Variants in APBB2 observed in about 807,000 individuals in gnomAD.
The protein encoded by APBB2 is Fe65-like 1.
In APBB2, 38 loss-of-function variants were observed where a neutral mutation model predicts 82.5. That is an observed-to-expected ratio of 0.46 (90% confidence interval 0.36 to 0.60). APBB2 has a LOEUF of 0.60. APBB2 is among the 20% of genes least tolerant of loss of function. APBB2 has a pLI of 0.00. For missense variants in APBB2, 772 were observed against 972.3 expected (o/e 0.79, Z 2.74); for synonymous variants, 341 against 368.2 (o/e 0.93, Z 0.85).
intron 2 of APBB2, among the ~76,000 whole-genome samples, chr4:41,134,836 C>T (rs550742579): frequency 2.0e-5 from 3 of 152,288 alleles, no homozygotes; most frequent in South Asian, 2.1e-4. Context: ...TACTTCATTT[C>T]GTTCCCTCCA....
chr4:40,845,588 C>CAAAAAAAAAAAAAAAAAAAAAAAAAAAAA (rs71198606), intron 12 of APBB2, among the ~76,000 whole-genome samples: 1 of 56,482 alleles, frequency 1.8e-5, no homozygotes. Flanking sequence ...GGAAATTCCT[C>CAAAAAAAAAAAAAAAAAAAAAAAAAAAAA]AAAAAAAAAA....
In APBB2 at chr4:40,970,471, T is replaced by C. The variant is rs1194058699; in HGVS notation, c.836-25398A>G. 2.6e-5 allele frequency among the ~76,000 whole-genome samples: 4 copies of C among 151,594 alleles called. No homozygotes were observed. The East Asian group carries it at 7.7e-4, about 29-fold the overall frequency. On this transcript the variant is annotated intron_variant, in intron 6 of 17. Coordinates refer to ENST00000508593, the MANE Select transcript of APBB2 (RefSeq NM_004307.2). ...ATTGCAACCTCTCCCCACTCCTCCT[T>C]TTTTTTTGAACCAAAGGCATTTAAA...
chr4:41,023,443 A>C (rs555058325), intron 5 of APBB2, among the ~76,000 whole-genome samples: 1 of 152,310 alleles, frequency 6.6e-6, no homozygotes, highest in East Asian at 1.9e-4. Flanking sequence ...CCACAGCCTC[A>C]GCCCAAAAGC....
At position 40,823,710 on chromosome 4, in the gene APBB2, G is replaced by C. The variant is rs772292359; in HGVS notation, c.1866C>G (p.Asn622Lys). The C allele has an allele frequency of 6.2e-7, 1 of 1,613,778 alleles. No individual in the cohort carries two copies. The highest frequency in any genetic ancestry group is 1.3e-5 in the African/African-American group (1 of 74,900). ...SAIENLMTSS[N>K]KEDWLSVNMN... ...TGTTCACTGACAGCCAGTCCTCCTT[G>C]TTGGATGAGGTCATAAGATTTTCTA... Residue 622 changes from asparagine (N) to lysine (K), a missense_variant, in exon 16 of 18, where the codon AAC becomes AAG. Physicochemically the swap from Asn to Lys is moderately conservative, Grantham distance 94. Transcript: ENST00000508593.
chr4:40,849,010 G>T, intron 12 of APBB2: 2 of 507,054 alleles, frequency 3.9e-6, no homozygotes, highest in Non-Finnish European at 5.1e-6. Context: ...CACATAGTAG[G>T]CAATCAATCA....
At chr4:40,959,456 A>T (rs187908316) in intron 6 of APBB2, among the ~76,000 whole-genome samples, 4 of 152,342 alleles carry the variant, frequency 2.6e-5, no homozygotes, top group Admixed American at 2.6e-4. Context: ...CTAGTATACA[A>T]CAGCAACGAT....
intron 2 of APBB2, among the ~76,000 whole-genome samples, chr4:41,101,081 G>A (rs1745167360): frequency 6.6e-6 from 1 of 152,166 alleles, no homozygotes; most frequent in Admixed American, 6.5e-5. Flanking sequence ...ATTATATTGT[G>A]ACTTGGGAAG....
intron 2 of APBB2, among the ~76,000 whole-genome samples, chr4:41,108,145 C>T (rs979861993): frequency 1.3e-5 from 2 of 151,966 alleles, no homozygotes; most frequent in Admixed American, 6.6e-5. Context: ...TAAAGAGACA[C>T]AGACACAAAA....
intron 12 of APBB2, among the ~76,000 whole-genome samples, chr4:40,861,309 C>G (rs950555199): frequency 2.8e-4 from 42 of 151,422 alleles, no homozygotes; most frequent in Non-Finnish European, 4.4e-5. Context: ...GAGATCACAC[C>G]GCTGCACTCC....
intron 10 of APBB2, 136 bp downstream of exon 10, chr4:40,934,320 A>G (rs955078239): frequency 3.6e-6 from 3 of 828,318 alleles, no homozygotes; most frequent in Admixed American, 2.5e-5. Context: ...CAGGGAGATT[A>G]GGAAAGAGAA....
intron 3 of APBB2, among the ~76,000 whole-genome samples, chr4:41,068,827 C>T (rs1472835180): frequency 8.3e-6 from 1 of 120,778 alleles, no homozygotes; most frequent in Non-Finnish European, 1.6e-5. Context: ...GATGGAGTCT[C>T]GCTCTGTTGC....
intron 2 of APBB2, among the ~76,000 whole-genome samples, chr4:41,129,090 C>T (rs1560826937): frequency 6.6e-6 from 1 of 152,118 alleles, no homozygotes; most frequent in South Asian, 2.1e-4. Context: ...TCTCCATTCC[C>T]ACCACAATCC....
intron 4 of APBB2, among the ~76,000 whole-genome samples, chr4:41,054,040 CA>C (rs1220600290): frequency 2.0e-5 from 3 of 152,224 alleles, no homozygotes; most frequent in Non-Finnish European, 2.9e-5. Flanking sequence ...GTGGATTCAA[CA>C]AAAAGAAAGG....
In APBB2 at chr4:41,013,757, C is replaced by G. The variant is rs768263328; in HGVS notation, c.661G>C (p.Gly221Arg). The change falls in exon 6 of 18, where the codon GGC becomes CGC. Residue 221 changes from glycine to arginine, a missense_variant. Physicochemically the swap from Gly to Arg is moderately radical, Grantham distance 125 (BLOSUM62 -2). Coordinates refer to ENST00000508593, the MANE Select transcript of APBB2 (RefSeq NM_004307.2). ...PNRPQSSPED[G>R]QVATVSSSPE... The stretch of plus-strand genomic sequence containing the variant: ...CTGGATGACACTGTGGCTACTTGGC[C>G]GTCTTCAGGGCTGGACTGGGGTCTG... 3 of 1,614,164 alleles carry G rather than the reference C, an allele frequency of 1.9e-6. No homozygotes were observed. Among genetic ancestry groups the G allele is most frequent in the Non-Finnish European group, 2.5e-6 (3 of 1,180,018 alleles).
At chr4:40,916,440 T>A (rs987760007) in intron 10 of APBB2, among the ~76,000 whole-genome samples, 1 of 152,188 alleles carries the variant, frequency 6.6e-6, no homozygotes, top group African/African-American at 2.4e-5. Flanking sequence ...CCTAAGATAG[T>A]CACTTCCCAC....
At chr4:41,027,129 G>A (rs77847980) in intron 5 of APBB2, among the ~76,000 whole-genome samples, 6,927 of 151,932 alleles carry the variant, frequency 0.046, 336 homozygotes, top group African/African-American at 0.12. Context: ...TTCAGACTGA[G>A]CTCCTATCTT....
chr4:40,899,497 G>C (rs1774655387), intron 10 of APBB2, among the ~76,000 whole-genome samples: 1 of 152,170 alleles, frequency 6.6e-6, no homozygotes. Context: ...ACAGAGCAAA[G>C]CCTGGGTATC....
At chr4:40,857,281 G>A (rs924918216) in intron 12 of APBB2, 6 of 618,310 alleles carry the variant, frequency 9.7e-6, no homozygotes, top group Non-Finnish European at 1.2e-5. Flanking sequence ...GCTCCCGCTA[G>A]GTGCTCCCGC....
intron 10 of APBB2, among the ~76,000 whole-genome samples, chr4:40,896,938 C>T (rs1477854223): frequency 6.6e-6 from 1 of 152,156 alleles, no homozygotes; most frequent in East Asian, 1.9e-4. Context: ...AGCCCTAAGA[C>T]AGCAATGTTA....
Sources: allele counts gnomAD v4.1 joint callset (sites outside exome capture counted in the v4.1 genomes callset), GRCh38; gene constraint gnomAD v4.1.1; transcripts MANE v1.5; gene names NCBI Gene and HGNC (gene_info 2026-07-23, HGNC 2026-07-21).